AHRR: variants seen among roughly 807,000 people sequenced by gnomAD.
The protein encoded by AHRR is aryl hydrocarbon receptor repressor.
In AHRR, 28 loss-of-function variants were observed where a neutral mutation model predicts 44.0. That is an observed-to-expected ratio of 0.64 (90% CI 0.47 to 0.87). AHRR has a LOEUF of 0.87. AHRR is among the 40% of genes least tolerant of loss of function. The probability of loss-of-function intolerance (pLI) is 0.00; values close to 1 mark genes in which losing one functional copy is unlikely to be tolerated. For missense variants in AHRR, 990 were observed against 953.9 expected, an observed-to-expected ratio of 1.04 and a Z score of -0.50; for synonymous variants, 434 against 407.0, an observed-to-expected ratio of 1.07 and a Z score of -0.80.
At chr5:396,445 C>T (rs932251844) in intron 4 of AHRR, among the ~76,000 whole-genome samples, 4 of 152,170 alleles carry the variant, frequency 2.6e-5, no homozygotes, top group South Asian at 2.1e-4. Flanking sequence ...CGCCGGCCAC[C>T]GTGGAGAGAG....
chr5:354,535 G>A (rs974804742), intron 3 of AHRR, among the ~76,000 whole-genome samples: 3 of 152,182 alleles, frequency 2.0e-5, no homozygotes, highest in South Asian at 2.1e-4. Context: ...GAAGCATGGC[G>A]TTTCCTTAGA....
chr5:346,868 T>A (rs905421007), intron 2 of AHRR, among the ~76,000 whole-genome samples: 2 of 152,186 alleles, frequency 1.3e-5, no homozygotes, highest in Admixed American at 6.5e-5. Context: ...AAGCCCTTTG[T>A]CTCCGCCTCC....
At chr5:433,282 C>G (rs1736825068) in intron 10 of AHRR, among the ~76,000 whole-genome samples, 1 of 152,042 alleles carries the variant, frequency 6.6e-6, no homozygotes, top group South Asian at 2.1e-4. Context: ...TGCTCAGAGC[C>G]CTCTCTCCCC....
intron 4 of AHRR, among the ~76,000 whole-genome samples, chr5:396,144 C>T (rs1022054239): frequency 5.3e-5 from 8 of 152,156 alleles, no homozygotes; most frequent in Admixed American, 6.5e-5. Flanking sequence ...CATGACAAGG[C>T]GGCAACCCAG....
Position 418,341 on chromosome 5 carries a change from A to C in AHRR, c.442-4388A>C, listed in dbSNP as rs147761597. Among the ~76,000 whole-genome samples, 11 of 152,300 alleles carry C rather than the reference A, an allele frequency of 7.2e-5. No homozygotes were observed. The South Asian group carries it at 1.0e-3, about 14-fold the overall frequency. On this transcript the variant is annotated intron_variant, in intron 5 of 10. Transcript: ENST00000684583. ...GGAATTAGACTTTAAAAGATTAAGA[A>C]AGACTTAGGGCAGACATGCCACACT...
At chr5:392,975 C>T (rs1482048627) in intron 4 of AHRR, among the ~76,000 whole-genome samples, 1 of 152,088 alleles carries the variant, frequency 6.6e-6, no homozygotes, top group African/African-American at 2.4e-5. Flanking sequence ...TTCACTGGGG[C>T]CCACCTACTT....
intron 5 of AHRR, among the ~76,000 whole-genome samples, chr5:417,044 T>C (rs1324731865): frequency 5.8e-5 from 7 of 120,504 alleles, no homozygotes; most frequent in East Asian, 2.8e-4. Flanking sequence ...CTAGAGAAGG[T>C]GGCTTGGTCT....
In AHRR at chr5:405,493, C is replaced by G. The variant is rs1416466337; in HGVS notation, c.352-7851C>G. ...CAGCTGGGCAGGGGCTCCCTGACAT[C>G]TTCCTCCGAGTGGGAGGTGCTTTGT... On this transcript the variant is annotated intron_variant, in intron 4 of 10. Transcript: ENST00000684583. This position sits in a 1 kb window ranked among gnomAD's most constrained non-coding sequence, Gnocchi z 4.5. Among the ~76,000 whole-genome samples, 5 of 152,214 alleles carry G rather than the reference C, an allele frequency of 3.3e-5. No individual in the cohort carries two copies. The highest frequency in any genetic ancestry group is 7.3e-5 in the Non-Finnish European group (5 of 68,038).
In AHRR at chr5:433,912, G is replaced by A. The variant is rs774082083; in HGVS notation, c.1172G>A (p.Arg391Lys). Residue 391 changes from arginine to lysine, a missense_variant, in exon 11 of 11, where the codon AGG becomes AAG. By Grantham distance (26) the Arg-to-Lys change is conservative. Transcript: ENST00000684583. ...AGGGCCTCTGGAGTGACAGGGCGGA[G>A]GGAGACTCCAGGACCCACAAAGCCC... ...LSRASGVTGR[R>K]ETPGPTKPLP... 9 of 1,526,876 alleles carry A rather than the reference G, an allele frequency of 5.9e-6. No homozygotes were observed. Among genetic ancestry groups the A allele is most frequent in the Non-Finnish European group, 7.9e-6 (9 of 1,138,100 alleles). 94.6% of individuals were successfully genotyped at this position (1,526,876 alleles called of 1,614,324 possible).
At chr5:344,057 G>A (rs993406751) in intron 2 of AHRR, 93 bp downstream of exon 2, 6 of 1,378,204 alleles carry the variant, frequency 4.4e-6, no homozygotes, top group Admixed American at 4.6e-5. Flanking sequence ...TAGGAACAGG[G>A]CGAGCGAGGA....
chr5:391,808 C>T (rs348125), intron 4 of AHRR, among the ~76,000 whole-genome samples: 1 of 25,034 alleles, frequency 4.0e-5, no homozygotes, highest in African/African-American at 4.4e-4. Context: ...AGGGCCAGAG[C>T]GTGCACGGAC....
rs1709735 is a variant in AHRR, at chr5:424,304, C to G, written c.708+327C>G. 7.5e-3 allele frequency among the ~76,000 whole-genome samples: 536 copies of G among 71,300 alleles called. 20 individuals are homozygous for G. The highest frequency in any genetic ancestry group is 0.02 in the Admixed American group (95 of 4,692). 46.8% of individuals were successfully genotyped at this position (71,300 alleles called of 152,430 possible). A position where few individuals can be genotyped will look rare whatever the true frequency, so the allele number is the denominator to read the frequency against. ...GTGATGGTGTGGGGGCTTTAACCCA[C>G]GTGTCTCTGGTGGGTGGGAGAGGGC... On this transcript the variant is annotated intron_variant, in intron 7 of 10. Coordinates refer to ENST00000684583, the MANE Select transcript of AHRR (RefSeq NM_001377236.1).
Position 376,660 on chromosome 5 carries a change from G to C in AHRR, c.295G>C (p.Gly99Arg), listed in dbSNP as rs184336270. ...GCCTGCGGCCGGCGCCCCCTCGCCC[G>C]GAGACAGCTGTCCTCTTGCAGGGTC... is the stretch of plus-strand genomic sequence containing the variant. Reference protein sequence around the residue: ...RQPAAGAPSPGDSCPLAGSAV... With the variant: ...RQPAAGAPSPRDSCPLAGSAV... Residue 99 changes from glycine (G) to arginine (R), a missense_variant, in exon 4 of 11, where the codon GGA becomes CGA. Gly to Arg is a moderately radical substitution (Grantham distance 125). Transcript: ENST00000684583. The C allele has an allele frequency of 7.7e-6, 11 of 1,434,192 alleles. No homozygotes were observed. The African/African-American group carries it at 1.5e-4, about 20-fold the overall frequency. 88.8% of individuals were successfully genotyped at this position (1,434,192 alleles called of 1,614,324 possible). A position where few individuals can be genotyped will look rare whatever the true frequency, so the allele number is the denominator to read the frequency against.
chr5:424,719 G>A (rs574893706), intron 7 of AHRR, among the ~76,000 whole-genome samples: 4 of 152,304 alleles, frequency 2.6e-5, no homozygotes, highest in East Asian at 3.9e-4. Context: ...TGTGGCTGGC[G>A]TGAGTGGCTG....
At chr5:410,656 G>A (rs1735435585) in intron 4 of AHRR, among the ~76,000 whole-genome samples, 1 of 152,212 alleles carries the variant, frequency 6.6e-6, no homozygotes, top group South Asian at 2.1e-4. Context: ...CAGGAACACT[G>A]TGTATCTCTC....
intron 2 of AHRR, among the ~76,000 whole-genome samples, chr5:351,968 C>G (rs962805420): frequency 6.6e-6 from 1 of 152,232 alleles, no homozygotes; most frequent in Non-Finnish European, 1.5e-5. Flanking sequence ...CTGGAAACAG[C>G]AGGCTCACTC....
chr5:407,744 G>A (rs1449842127), intron 4 of AHRR, among the ~76,000 whole-genome samples: 1 of 152,094 alleles, frequency 6.6e-6, no homozygotes, highest in Non-Finnish European at 1.5e-5. Flanking sequence ...TCACCATGTT[G>A]GCCAGGCTGG....
chr5:370,070 C>T lies in AHRR; in HGVS notation c.245-6540C>T, dbSNP rs1743514170. Among the ~76,000 whole-genome samples the T allele has an allele frequency of 6.6e-6, 1 of 150,702 alleles. No homozygotes were observed. Among genetic ancestry groups the T allele is most frequent in the Admixed American group, 6.6e-5 (1 of 15,120 alleles). On this transcript the variant is annotated intron_variant, in intron 3 of 10. Transcript: ENST00000684583. This position sits in a 1 kb window ranked among gnomAD's most constrained non-coding sequence, Gnocchi z 4.5. ...GGGCTCTTGCTGGTGCCCCATCCTC[C>T]CGGGCCCTCGCTGGAAGCCCCGTCC...
chr5:420,150 G>A (rs972091439), intron 5 of AHRR, among the ~76,000 whole-genome samples: 4 of 152,250 alleles, frequency 2.6e-5, no homozygotes, highest in African/African-American at 9.6e-5. Context: ...GGAGGAGAAG[G>A]GGGTTTTGAT....
Sources: allele counts gnomAD v4.1 joint callset (sites outside exome capture counted in the v4.1 genomes callset), GRCh38; gene constraint gnomAD v4.1.1; non-coding constraint Gnocchi (gnomAD v3.1); transcripts MANE v1.5; gene names NCBI Gene and HGNC (gene_info 2026-07-23, HGNC 2026-07-21).